LILRB1: variants seen among roughly 807,000 people sequenced by gnomAD.
LILRB1 encodes the protein leukocyte immunoglobulin-like receptor subfamily B member 1.
A neutral mutation model predicts 74.6 loss-of-function variants in LILRB1; 59 were observed. That is an observed-to-expected ratio of 0.79 (90% CI 0.64 to 0.98). LILRB1 has a LOEUF of 0.98. Among genes scored for constraint, LILRB1 ranks in the 50% least tolerant of loss-of-function variants. The pLI is 0.00. For missense variants in LILRB1, 804 were observed against 822.6 expected (o/e 0.98, Z 0.28); for synonymous variants, 328 against 333.9 (o/e 0.98, Z 0.19).
At chr19:54,629,639 G>T (rs1302350402), upstream of LILRB1, among the ~76,000 whole-genome samples, 7 of 150,782 alleles carry the variant, frequency 4.6e-5, no homozygotes, top group African/African-American at 1.7e-4. Context: ...CCAGCCTCAG[G>T]TGTAGCTGGA....
chr19:54,633,466 G>T, intron 7 of LILRB1, 148 bp downstream of exon 7: 1 of 1,290,804 alleles, frequency 7.7e-7, no homozygotes, highest in African/African-American at 1.5e-5. Flanking sequence ...GAGGAGAACA[G>T]GGCCCTCCCA....
At chr19:54,634,418 T>C in intron 9 of LILRB1, 1 of 1,525,032 alleles carries the variant, frequency 6.6e-7, no homozygotes, top group Non-Finnish European at 8.9e-7. Flanking sequence ...ACTCCTGGGC[T>C]TCCTTCCCAG....
chr19:54,627,851 A>G (rs2063638504), upstream of LILRB1, among the ~76,000 whole-genome samples: 1 of 152,214 alleles, frequency 6.6e-6, no homozygotes, highest in Admixed American at 6.5e-5. Context: ...TAGACCCAGT[A>G]GCGGACGCCA....
intron 1 of LILRB1, among the ~76,000 whole-genome samples, chr19:54,621,192 A>T (rs1028772612): frequency 3.3e-5 from 5 of 152,146 alleles, no homozygotes; most frequent in African/African-American, 1.2e-4. Flanking sequence ...TTTTTAATAT[A>T]ATGACTTTTC....
At chr19:54,634,463 C>T (rs543569011) in intron 9 of LILRB1, 178 bp from the exon 10 acceptor site, 2 of 1,507,320 alleles carry the variant, frequency 1.3e-6, no homozygotes, top group South Asian at 1.2e-5. Context: ...CCCGGGCAGG[C>T]GATTCCCCTC....
At chr19:54,624,570 TG>T (rs1358932579) in intron 1 of LILRB1, among the ~76,000 whole-genome samples, 1 of 151,712 alleles carries the variant, frequency 6.6e-6, no homozygotes, top group African/African-American at 2.4e-5. Context: ...TCAGTTGTGG[TG>T]GTGTTGCTGG....
At chr19:54,625,459 C>A (rs1021339186), upstream of LILRB1, among the ~76,000 whole-genome samples, 28 of 152,140 alleles carry the variant, frequency 1.8e-4, no homozygotes, top group Non-Finnish European at 3.2e-4. Flanking sequence ...GGCGCCTCTG[C>A]ACCATCTCTG....
At chr19:54,618,815 A>C (rs2063381197) in intron 1 of LILRB1, among the ~76,000 whole-genome samples, 3 of 152,248 alleles carry the variant, frequency 2.0e-5, no homozygotes, top group Admixed American at 1.3e-4. Context: ...CATAGTTTAT[A>C]ACATTGGTTA....
chr19:54,628,094 T>C (rs1287662313), upstream of LILRB1, among the ~76,000 whole-genome samples: 8 of 152,188 alleles, frequency 5.3e-5, no homozygotes, highest in Admixed American at 2.0e-4. Context: ...ACTCTGTATT[T>C]GTCCCGATTG....
At chr19:54,618,533 G>A (rs1268530030) in intron 1 of LILRB1, among the ~76,000 whole-genome samples, 1 of 152,198 alleles carries the variant, frequency 6.6e-6, no homozygotes, top group Non-Finnish European at 1.5e-5. Flanking sequence ...AACCTGGCCG[G>A]GCACGGTGGC....
At chr19:54,636,005 C>T (rs1461581131) in intron 13 of LILRB1, 1 of 552,424 alleles carries the variant, frequency 1.8e-6, no homozygotes, top group East Asian at 4.4e-5. Context: ...AAAGCCGCCC[C>T]CGCCTCCTGA....
At chr19:54,627,517 C>A (rs2063627960), upstream of LILRB1, among the ~76,000 whole-genome samples, 1 of 152,210 alleles carries the variant, frequency 6.6e-6, no homozygotes. Context: ...CCATGTCCTT[C>A]ACCCCCTCCT....
rs535444994 is a variant in LILRB1 at position 54,637,478 on chromosome 19, T to G, written c.*600T>G. 1 of 141,308 alleles carries G rather than the reference T, an allele frequency of 7.1e-6. No individual in the cohort carries two copies. Among genetic ancestry groups the G allele is most frequent in the Admixed American group, 7.6e-5 (1 of 13,208 alleles). 8.8% of individuals were successfully genotyped at this position (141,308 alleles called of 1,614,324 possible). A position where few individuals can be genotyped will look rare whatever the true frequency, so the allele number is the denominator to read the frequency against. ...AGTCAGAGGTTTCAGTGAGCCAAGA[T>G]CGCACCACTGCTCTCCAGCCTGGCG... On this transcript the variant is annotated 3_prime_UTR_variant, in exon 15 of 15. Transcript: ENST00000324602.
rs1406978054 is a variant in LILRB1 at position 54,636,555 on chromosome 19, C to G, written c.1715C>G (p.Pro572Arg). 11 of 1,611,688 alleles carry G rather than the reference C, an allele frequency of 6.8e-6. No homozygotes were observed. The highest frequency in any genetic ancestry group is 9.3e-6 in the Non-Finnish European group (11 of 1,179,798). The change falls in exon 14 of 15, where the codon CCT becomes CGT. Residue 572 changes from proline (P) to arginine (R), a missense_variant. Coordinates refer to ENST00000324602, the MANE Select transcript of LILRB1 (RefSeq NM_001081637.3). ...TATGCCGAGGTGAAACACTCCAGAC[C>G]TAGGAGAGAAATGGCCTCTCCTCCT... The part of the protein sequence containing the change: ...VTYAEVKHSR[P>R]RREMASPPSP...
At chr19:54,627,522 C>T (rs142801466), upstream of LILRB1, among the ~76,000 whole-genome samples, 192 of 151,736 alleles carry the variant, frequency 1.3e-3, no homozygotes, top group South Asian at 0.014. Flanking sequence ...TCCTTCACCC[C>T]CTCCTGCTTT....
chr19:54,635,585 G>A lies in LILRB1; in HGVS notation c.1629G>A (p.Glu543=), dbSNP rs61737692. The change falls in exon 13 of 15, where the codon GAG becomes GAA. Residue 543 remains glutamate, a synonymous_variant. Coordinates refer to ENST00000324602, the MANE Select transcript of LILRB1 (RefSeq NM_001081637.3). Reference sequence around the variant, plus strand: ...CTGCCGTGAAGCACACACAGCCTGAGGATGGGGTGGAGATGGACACTCGGG... The same window carrying A: ...CTGCCGTGAAGCACACACAGCCTGAAGATGGGGTGGAGATGGACACTCGGG... ...LYAAVKHTQP[E]DGVEMDTRQS... The A allele has an allele frequency of 2.6e-3, 4,272 of 1,613,946 alleles. 96 individuals are homozygous for A. In the African/African-American group the frequency reaches 0.048, roughly 18 times the overall value.
At chr19:54,618,779 C>T (rs1458457111) in intron 1 of LILRB1, among the ~76,000 whole-genome samples, 2 of 152,086 alleles carry the variant, frequency 1.3e-5, no homozygotes, top group African/African-American at 2.4e-5. Context: ...CCATAAGTTC[C>T]CTTACTTAGG....
chr19:54,622,249 A>C (rs1234266037), intron 1 of LILRB1, among the ~76,000 whole-genome samples: 2 of 152,194 alleles, frequency 1.3e-5, no homozygotes, highest in Non-Finnish European at 2.9e-5. Flanking sequence ...ATTTAATAGG[A>C]ATTGTGTTGA....
chr19:54,634,403 G>C (rs1251615332), intron 9 of LILRB1: 4 of 1,534,492 alleles, frequency 2.6e-6, no homozygotes, highest in Non-Finnish European at 3.5e-6. Context: ...AGGGCTGCAG[G>C]TCAGACTCCT....
Sources: gnomAD v4.1 joint callset for allele counts (sites outside exome capture counted in the v4.1 genomes callset) on GRCh38, gnomAD v4.1.1 for gene constraint, MANE v1.5 for transcripts, NCBI Gene and HGNC (gene_info 2026-07-23, HGNC 2026-07-21) for gene names.